The following EPB41L3 variants were observed in gnomAD, a reference collection of about 807,000 sequenced individuals.
EPB41L3 encodes band 4.1-like protein 3.
A neutral mutation model predicts 127.1 loss-of-function variants in EPB41L3; 57 were observed. The observed-to-expected ratio is 0.45, with a 90% CI of 0.36 to 0.56. EPB41L3 has a LOEUF of 0.56. Ranked by LOEUF, EPB41L3 falls within the 20% of genes least tolerant of loss-of-function variation. The probability of loss-of-function intolerance (pLI) is 0.00; values close to 1 mark genes in which losing one functional copy is unlikely to be tolerated. For synonymous variants in EPB41L3, 572 were observed against 549.5 expected (o/e 1.04, Z -0.57); for missense variants, 1,273 against 1,372.2 (o/e 0.93, Z 1.14).
In EPB41L3 at chr18:5,588,556, A is replaced by C. The variant is rs1437007324; in HGVS notation, c.-306+23784T>G. Among the ~76,000 whole-genome samples the C allele has an allele frequency of 2.0e-5, 3 of 151,666 alleles. No homozygotes were observed. In the East Asian group the frequency reaches 5.8e-4, roughly 29 times the overall value. On this transcript the variant is annotated intron_variant, in intron 3 of 21. Transcript: ENST00000545076. Reference sequence around the variant, plus strand: ...ATGTGTATATATATATATACACATAAATCTTGAGAGGAAAAGTAGAAACAG... The same window carrying C: ...ATGTGTATATATATATATACACATACATCTTGAGAGGAAAAGTAGAAACAG...
At chr18:5,613,453 T>G (rs765860385) in intron 2 of EPB41L3, among the ~76,000 whole-genome samples, 2 of 152,168 alleles carry the variant, frequency 1.3e-5, no homozygotes, top group Non-Finnish European at 2.9e-5. Context: ...TCAACCTAAA[T>G]TCCTAGCCCT....
chr18:5,550,163 T>C (rs1371559281), intron 3 of EPB41L3, among the ~76,000 whole-genome samples: 1 of 152,176 alleles, frequency 6.6e-6, no homozygotes. Context: ...TGAGGACTAA[T>C]TGCCGGCAGT....
At position 5,565,249 on chromosome 18, in the gene EPB41L3, AAT is replaced by A. The variant is rs1276463488; in HGVS notation, c.-306+47089_-306+47090del. The stretch of plus-strand genomic sequence containing the variant: ...CCATCTCTACTAAAAAAAAAAAAAA[AAT>A]ACATACAAAACTTAGCCGGGCATGG... On this transcript the variant is annotated intron_variant, in intron 3 of 21. Transcript: ENST00000545076. 1.4e-3 allele frequency among the ~76,000 whole-genome samples: 211 copies of A among 151,692 alleles called. 1 individual carries two copies. Among genetic ancestry groups the A allele is most frequent in the African/African-American group, 4.3e-3 (179 of 41,438 alleles).
chr18:5,420,262 C>A, intron 11 of EPB41L3: 1 of 285,990 alleles, frequency 3.5e-6, no homozygotes, highest in Non-Finnish European at 6.7e-6. Flanking sequence ...TTGGCTGGCA[C>A]TGGCACCAGT....
chr18:5,568,122 T>C (rs2094230952), intron 3 of EPB41L3, among the ~76,000 whole-genome samples: 1 of 152,112 alleles, frequency 6.6e-6, no homozygotes, highest in Non-Finnish European at 1.5e-5. Flanking sequence ...TTCTGAAATA[T>C]ATGATGATGG....
At chr18:5,576,879 G>C (rs1050934408) in intron 3 of EPB41L3, among the ~76,000 whole-genome samples, 1 of 152,232 alleles carries the variant, frequency 6.6e-6, no homozygotes, top group East Asian at 1.9e-4. Flanking sequence ...CGGCATTCTT[G>C]TCTTTGGAGA....
At position 5,430,805 on chromosome 18, in the gene EPB41L3, C is replaced by T. The variant is rs182371843; in HGVS notation, c.913-2340G>A. Among the ~76,000 whole-genome samples, 52 of 151,928 alleles carry T rather than the reference C, an allele frequency of 3.4e-4. No individual in the cohort carries two copies. The East Asian group carries it at 9.8e-3, about 29-fold the overall frequency. ...TCTCGAACACCTGGGCTCAAGCAAT[C>T]CCCCTGTCTCAGAGTGCTAGGATTA... On this transcript the variant is annotated intron_variant, in intron 8 of 22. Coordinates refer to ENST00000341928, the MANE Select transcript of EPB41L3 (RefSeq NM_012307.5).
chr18:5,440,985 A>G (rs1382715039), intron 5 of EPB41L3, among the ~76,000 whole-genome samples: 2 of 152,238 alleles, frequency 1.3e-5, no homozygotes, highest in East Asian at 3.9e-4. Context: ...CAAGTGATCC[A>G]ACCCCCTCAG....
At chr18:5,467,506 C>G (rs1004744197) in intron 3 of EPB41L3, 2 of 152,206 alleles carry the variant, frequency 1.3e-5, no homozygotes, top group Admixed American at 6.5e-5. Flanking sequence ...GCGTCCACTG[C>G]AGATGCACTT....
chr18:5,427,935 T>C (rs912358994), intron 9 of EPB41L3, among the ~76,000 whole-genome samples: 3 of 152,080 alleles, frequency 2.0e-5, no homozygotes, highest in Non-Finnish European at 2.9e-5. Context: ...TTAGTAGAGA[T>C]GGCATTTCAC....
At chr18:5,533,027 T>G (rs2093459885) in intron 1 of EPB41L3, among the ~76,000 whole-genome samples, 1 of 152,196 alleles carries the variant, frequency 6.6e-6, no homozygotes, top group Non-Finnish European at 1.5e-5. Context: ...TTTAATTTAT[T>G]AATATATGTA....
chr18:5,533,662 T>C lies in EPB41L3; in HGVS notation c.-12+10251A>G, dbSNP rs901985434. 7.2e-5 allele frequency among the ~76,000 whole-genome samples: 11 copies of C among 152,266 alleles called. No homozygotes were observed. The East Asian group carries it at 2.1e-3, about 29-fold the overall frequency. ...CAAGGCCATTTTACTCTATTACCGA[T>C]CACAAAGCAAGAAAATTAACCCCAA... On this transcript the variant is annotated intron_variant, in intron 1 of 22. Transcript: ENST00000341928.
intron 3 of EPB41L3, among the ~76,000 whole-genome samples, chr18:5,549,549 A>C (rs2093933747): frequency 6.6e-6 from 1 of 152,212 alleles, no homozygotes; most frequent in Admixed American, 6.5e-5. Flanking sequence ...ACAGTTTTCT[A>C]AGTTTTACAT....
At chr18:5,431,951 G>A (rs975688495) in intron 8 of EPB41L3, among the ~76,000 whole-genome samples, 1 of 152,198 alleles carries the variant, frequency 6.6e-6, no homozygotes, top group African/African-American at 2.4e-5. Context: ...TACACCTGCT[G>A]TTGTAATTAT....
intron 1 of EPB41L3, among the ~76,000 whole-genome samples, chr18:5,622,494 A>G (rs772708408): frequency 5.3e-5 from 8 of 152,196 alleles, no homozygotes; most frequent in Non-Finnish European, 8.8e-5. Context: ...GCATCCCAGT[A>G]TGCAGTGAGC....
chr18:5,596,187 G>C lies in EPB41L3; in HGVS notation c.-306+16153C>G, dbSNP rs558002772. On this transcript the variant is annotated intron_variant, in intron 3 of 21. Transcript: ENST00000545076. ...AGCCATATGACTTCTGAGAATCTTA[G>C]ATCATTGAAGCTAGAAGTGTTCCTA... 1.5e-4 allele frequency among the ~76,000 whole-genome samples: 23 copies of C among 152,242 alleles called. No homozygotes were observed. In the South Asian group the frequency reaches 4.1e-3, roughly 27 times the overall value.
chr18:5,473,051 T>C (rs78300638), intron 3 of EPB41L3, among the ~76,000 whole-genome samples: 1,983 of 152,230 alleles, frequency 0.013, 34 homozygotes, highest in South Asian at 0.045. Flanking sequence ...CCCATTCCAC[T>C]ACAGGCCACT....
intron 1 of EPB41L3, among the ~76,000 whole-genome samples, chr18:5,518,019 T>C (rs1329499256): frequency 6.6e-6 from 1 of 152,148 alleles, no homozygotes; most frequent in African/African-American, 2.4e-5. Flanking sequence ...CTTAGCTAGA[T>C]GACATAATGG....
chr18:5,527,033 A>C (rs931312341), intron 1 of EPB41L3, among the ~76,000 whole-genome samples: 4 of 151,658 alleles, frequency 2.6e-5, no homozygotes, highest in Non-Finnish European at 5.9e-5. Flanking sequence ...AAAACTGTTT[A>C]CCTTAGACTG....
Sources: allele counts gnomAD v4.1 joint callset (sites outside exome capture counted in the v4.1 genomes callset), GRCh38; gene constraint gnomAD v4.1.1; transcripts MANE v1.5; gene names NCBI Gene and HGNC (gene_info 2026-07-23, HGNC 2026-07-21).